The following ZC3HC1 variants were observed in gnomAD, a reference collection of about 807,000 sequenced individuals.
The protein encoded by ZC3HC1 is zinc finger C3HC-type protein 1.
In ZC3HC1, 38 loss-of-function variants were observed where a neutral mutation model predicts 61.9. The observed-to-expected ratio is 0.61, with a 90% CI of 0.47 to 0.81. The LOEUF (loss-of-function observed/expected upper bound fraction) is 0.81, where lower values mean the gene tolerates loss of function less well. Ranked by LOEUF, ZC3HC1 falls within the 30% of genes least tolerant of loss-of-function variation. The probability of loss-of-function intolerance (pLI) is 0.00; values close to 1 mark genes in which losing one functional copy is unlikely to be tolerated. For missense variants in ZC3HC1, 554 were observed against 622.7 expected, an observed-to-expected ratio of 0.89 and a Z score of 1.17; for synonymous variants, 213 against 229.9, an observed-to-expected ratio of 0.93 and a Z score of 0.67.
Position 130,041,524 on chromosome 7 carries a change from C to CTT in ZC3HC1, c.259-425_259-424dup, listed in dbSNP as rs71175069. On this transcript the variant is annotated intron_variant, in intron 2 of 9. Transcript: ENST00000358303. Reference sequence around the variant, plus strand: ...TCATAAATTACAATCTTAACTCATTCTTTTTTTTTTTTTTTTTCAAGACAG... The same window carrying CTT: ...TCATAAATTACAATCTTAACTCATTCTTTTTTTTTTTTTTTTTTTCAAGACAG... Among the ~76,000 whole-genome samples the CTT allele has an allele frequency of 3.0e-3, 383 of 128,820 alleles. 9 individuals are homozygous for CTT. The highest frequency in any genetic ancestry group is 7.3e-3 in the African/African-American group (251 of 34,542). The allele number at this position is 128,820 out of a possible 152,430, so 84.5% of individuals were successfully genotyped here.
At chr7:130,051,085 GT>G in intron 1 of ZC3HC1, 135 bp downstream of exon 1, 1 of 1,213,746 alleles carries the variant, frequency 8.2e-7, no homozygotes, top group East Asian at 2.6e-5. Context: ...AGTAACCAGA[GT>G]TTCTTTCAGA....
In ZC3HC1 at chr7:130,024,348, G is replaced by A; in HGVS notation, c.935C>T (p.Pro312Leu). 6.2e-7 allele frequency: 1 copy of A among 1,614,072 alleles called. No individual in the cohort carries two copies. Among genetic ancestry groups the A allele is most frequent in the Non-Finnish European group, 8.5e-7 (1 of 1,180,022 alleles). Reference sequence around the variant, plus strand: ...TTCAGGCACCAGAGGTAAGCGCTCTGGTCGCCCCTCAAGGCCTGGGATTGG... The same window carrying A: ...TTCAGGCACCAGAGGTAAGCGCTCTAGTCGCCCCTCAAGGCCTGGGATTGG... ...SSPIPGLEGR[P>L]ERLPLVPESP... The change falls in exon 7 of 10, where the codon CCA becomes CTA. Residue 312 changes from proline (P) to leucine (L), a missense_variant. Pro to Leu is a moderately conservative substitution (Grantham distance 98). Transcript: ENST00000358303.
At chr7:130,040,122 C>G (rs1394592657) in intron 3 of ZC3HC1, among the ~76,000 whole-genome samples, 1 of 127,578 alleles carries the variant, frequency 7.8e-6, no homozygotes, top group Non-Finnish European at 1.6e-5. Context: ...ATAAAGTAAA[C>G]ATGCTGCTGT....
chr7:130,036,328 C>CCAAAATGGTGAAACCTCGTCA (rs1794430305), intron 4 of ZC3HC1, among the ~76,000 whole-genome samples: 1 of 151,828 alleles, frequency 6.6e-6, no homozygotes, highest in Non-Finnish European at 1.5e-5. Flanking sequence ...GACAGCCTGG[C>CCAAAATGGTGAAACCTCGTCA]CAAAATGGTG....
rs775575477 is a variant in ZC3HC1, at chr7:130,024,269, T to G, written c.1014A>C (p.Ser338=). The G allele has an allele frequency of 1.9e-6, 3 of 1,608,006 alleles. No individual in the cohort carries two copies. The change falls in exon 7 of 10, where the codon TCA becomes TCC. Residue 338 remains serine (S), a synonymous_variant. Coordinates refer to ENST00000358303, the MANE Select transcript of ZC3HC1 (RefSeq NM_016478.5). The part of the protein sequence containing the change: ...RSQDATFSPG[S]EQAEKSPGPI... ...AAATAAGCTAAGTGAATACCTGCTCTGAGCCTGGGGAGAAAGTGGCATCCT... is the reference window on the plus strand; with the variant it reads ...AAATAAGCTAAGTGAATACCTGCTCGGAGCCTGGGGAGAAAGTGGCATCCT...
intron 4 of ZC3HC1, among the ~76,000 whole-genome samples, chr7:130,029,351 G>A (rs1794076321): frequency 6.6e-6 from 1 of 151,730 alleles, no homozygotes; most frequent in African/African-American, 2.4e-5. Flanking sequence ...CTCCAGCCTG[G>A]GCAACAGAGA....
chr7:130,050,595 G>T (rs2116791313), intron 1 of ZC3HC1: 4 of 1,044,054 alleles, frequency 3.8e-6, no homozygotes, highest in Non-Finnish European at 5.3e-6. Context: ...ATGAATGAAG[G>T]TAAAAACACC....
chr7:130,040,822 A>G (rs1238872954), intron 3 of ZC3HC1, 129 bp downstream of exon 3: 2 of 1,048,556 alleles, frequency 1.9e-6, no homozygotes, highest in East Asian at 5.0e-5. Context: ...AAAAAAAAAA[A>G]AGATTAAAAA....
At chr7:130,040,910 T>C (rs757223856) in intron 3 of ZC3HC1, 41 bp downstream of exon 3, 5 of 1,574,406 alleles carry the variant, frequency 3.2e-6, no homozygotes, top group African/African-American at 1.4e-5. Context: ...ATAGTATATA[T>C]TTGAGTGTGG....
chr7:130,035,513 C>T (rs1032509582), intron 4 of ZC3HC1, among the ~76,000 whole-genome samples: 4 of 151,772 alleles, frequency 2.6e-5, no homozygotes, highest in Non-Finnish European at 4.4e-5. Flanking sequence ...CAGCATTCCC[C>T]AAATATATCA....
chr7:130,018,708 C>T lies in ZC3HC1; in HGVS notation c.1465G>A (p.Val489Ile). 6.2e-7 allele frequency: 1 copy of T among 1,612,426 alleles called. No individual in the cohort carries two copies. The highest frequency in any genetic ancestry group is 8.5e-7 in the Non-Finnish European group (1 of 1,178,734). The change falls in exon 10 of 10, where the codon GTA becomes ATA. Residue 489 changes from valine (V) to isoleucine (I), a missense_variant. Transcript: ENST00000358303. ...TCCCACTGCCGAAATATTCGGAATA[C>T]TTTCCTTGATTTCTCAGAGAGACTC... ...SMSLSEKSRK[V>I]FRIFRQWESL...
In ZC3HC1 at chr7:130,018,729, G is replaced by T. The variant is rs368592099; in HGVS notation, c.1444C>A (p.Leu482Ile). ...AATACTTTCCTTGATTTCTCAGAGA[G>T]ACTCTGTAGGTAGAAAAGCTTATTA... ...SQPAETDSMS[L>I]SEKSRKVFRI... The change falls in exon 10 of 10, where the codon CTC becomes ATC. Residue 482 changes from leucine (L) to isoleucine (I), a missense_variant. By Grantham distance (5) the Leu-to-Ile change is conservative. Coordinates refer to ENST00000358303, the MANE Select transcript of ZC3HC1 (RefSeq NM_016478.5). 10 of 1,612,060 alleles carry T rather than the reference G, an allele frequency of 6.2e-6. No homozygotes were observed. The highest frequency in any genetic ancestry group is 1.7e-5 in the Admixed American group (1 of 59,948).
At chr7:130,032,692 AG>A (rs1471667214) in intron 4 of ZC3HC1, among the ~76,000 whole-genome samples, 1 of 120,374 alleles carries the variant, frequency 8.3e-6, no homozygotes, top group African/African-American at 3.1e-5. Flanking sequence ...GAAGGAAGGA[AG>A]GAAGGAAGGA....
At chr7:130,032,676 A>AGGAAGGAAGGAAGGAG (rs1369987055) in intron 4 of ZC3HC1, among the ~76,000 whole-genome samples, 2 of 89,868 alleles carry the variant, frequency 2.2e-5, no homozygotes, top group East Asian at 6.5e-4. Flanking sequence ...AATGGAAGGA[A>AGGAAGGAAGGAAGGAG]GGAAGGAAGG....
At chr7:130,038,534 G>A (rs977126009) in intron 4 of ZC3HC1, among the ~76,000 whole-genome samples, 1 of 152,086 alleles carries the variant, frequency 6.6e-6, no homozygotes, top group Non-Finnish European at 1.5e-5. Context: ...TTGGTTTTAA[G>A]ACCTCTGATT....
rs539372897 is a variant in ZC3HC1 at position 130,042,958 on chromosome 7, T to C, written c.259-1857A>G. 5.9e-5 allele frequency among the ~76,000 whole-genome samples: 9 copies of C among 152,300 alleles called. No individual in the cohort carries two copies. In the South Asian group the frequency reaches 1.9e-3, roughly 32 times the overall value. ...CCTCGGCCTTCCATGGTGCTGGGAT[T>C]ACAGGTATGAGCCACCTCGCCCAGC... is the stretch of plus-strand genomic sequence containing the variant. On this transcript the variant is annotated intron_variant, in intron 2 of 9. Coordinates refer to ENST00000358303, the MANE Select transcript of ZC3HC1 (RefSeq NM_016478.5).
chr7:130,034,252 G>A (rs1457228476), intron 4 of ZC3HC1, among the ~76,000 whole-genome samples: 9 of 150,308 alleles, frequency 6.0e-5, no homozygotes, highest in Non-Finnish European at 1.2e-4. Flanking sequence ...TTGGGAGGCC[G>A]AGGCGGGCGT....
At chr7:130,021,463 C>T (rs895453045) in intron 9 of ZC3HC1, among the ~76,000 whole-genome samples, 2 of 152,188 alleles carry the variant, frequency 1.3e-5, no homozygotes, top group Admixed American at 6.5e-5. Context: ...TTACACAGAG[C>T]AAACACTTGA....
chr7:130,023,595 T>A lies in ZC3HC1; in HGVS notation c.1149A>T (p.Gly383=). ...TRTRPVTRSM[G]TGDTPGLEVP... ...CCTCCAGGCCAGGGGTGTCTCCTGT[T>A]CCCATGCTTCGGGTCACTGGGCGAG... Residue 383 remains glycine, a synonymous_variant, in exon 8 of 10, where the codon GGA becomes GGT. Coordinates refer to ENST00000358303, the MANE Select transcript of ZC3HC1 (RefSeq NM_016478.5). This position sits in a 1 kb window ranked among gnomAD's most constrained non-coding sequence, Gnocchi z 4.2. The A allele has an allele frequency of 6.2e-7, 1 of 1,614,110 alleles. No individual in the cohort carries two copies. Among genetic ancestry groups the A allele is most frequent in the Non-Finnish European group, 8.5e-7 (1 of 1,180,024 alleles).
Sources: allele counts gnomAD v4.1 joint callset (sites outside exome capture counted in the v4.1 genomes callset), GRCh38; gene constraint gnomAD v4.1.1; non-coding constraint Gnocchi (gnomAD v3.1); transcripts MANE v1.5; gene names NCBI Gene and HGNC (gene_info 2026-07-23, HGNC 2026-07-21).